HADHA: variants seen among roughly 807,000 people sequenced by gnomAD.
HADHA encodes hydroxyacyl-CoA dehydrogenase trifunctional multienzyme complex subunit alpha, also known as trifunctional enzyme subunit alpha, mitochondrial.
Under a neutral mutation model 91.3 loss-of-function variants are expected in HADHA, and 59 were observed. The observed-to-expected ratio is 0.65, with a 90% confidence interval of 0.52 to 0.80. The LOEUF (loss-of-function observed/expected upper bound fraction) is 0.80, where lower values mean the gene tolerates loss of function less well. Ranked by LOEUF, HADHA falls within the 30% of genes least tolerant of loss-of-function variation. The pLI is 0.00. For synonymous variants in HADHA, 320 were observed against 338.9 expected (o/e 0.94, Z 0.61); for missense variants, 800 against 927.6 (o/e 0.86, Z 1.79).
chr2:26,214,324 T>G lies in HADHA; in HGVS notation c.918+119A>C. On this transcript the variant is annotated intron_variant, in intron 9 of 19. Coordinates refer to ENST00000380649, the MANE Select transcript of HADHA (RefSeq NM_000182.5). This position sits in a 1 kb window ranked among gnomAD's most constrained non-coding sequence, Gnocchi z 4.1. ...CTTCCCTTATTTTTGGTAAATACTT[T>G]AATAGCAGAATTAAGAAATTTAGTA... The G allele has an allele frequency of 1.3e-6, 1 of 767,422 alleles. No homozygotes were observed. 47.5% of individuals were successfully genotyped at this position (767,422 alleles called of 1,614,324 possible).
intron 7 of HADHA, 121 bp from the exon 8 acceptor site, chr2:26,215,296 T>G: frequency 2.3e-6 from 2 of 852,974 alleles, no homozygotes; most frequent in Non-Finnish European, 4.0e-6. Context: ...GACTGGAGAC[T>G]GGTAGGTGGC....
At chr2:26,197,241 ACC>A (rs1276386055) in intron 14 of HADHA, among the ~76,000 whole-genome samples, 3 of 152,044 alleles carry the variant, frequency 2.0e-5, no homozygotes, top group African/African-American at 7.2e-5. Context: ...GTGCTTCTAT[ACC>A]CAGCCCTTTC....
chr2:26,208,824 T>C (rs1670026913), intron 11 of HADHA, among the ~76,000 whole-genome samples: 1 of 152,218 alleles, frequency 6.6e-6, no homozygotes, highest in African/African-American at 2.4e-5. Flanking sequence ...TCACTAAATG[T>C]TTGAGAGAAG....
At position 26,229,348 on chromosome 2, in the gene HADHA, G is replaced by GTGCACA. The variant is rs1670560037; in HGVS notation, c.676+843_676+844insTGTGCA. 2.7e-5 allele frequency among the ~76,000 whole-genome samples: 4 copies of GTGCACA among 147,628 alleles called. No homozygotes were observed. The highest frequency in any genetic ancestry group is 4.0e-4 in the East Asian group (2 of 4,952). On this transcript the variant is annotated intron_variant, in intron 7 of 19. Transcript: ENST00000380649. The surrounding 1 kb of genome is among the most constrained non-coding windows in gnomAD (Gnocchi z 4.3). ...GTGAGACCCCAACATGTGTGCGCGC[G>GTGCACA]CACACACACACACACACACACACAC...
rs540748659 is a variant in HADHA, at chr2:26,206,857, G to A, written c.1086-2661C>T. On this transcript the variant is annotated intron_variant, in intron 11 of 19. Transcript: ENST00000380649. The stretch of plus-strand genomic sequence containing the variant: ...CAAGTCATATCACTGAGTAAAAAGT[G>A]CAAGCTACAGGATCCATACAGAAGG... 1.3e-3 allele frequency among the ~76,000 whole-genome samples: 193 copies of A among 152,274 alleles called. 1 individual carries two copies. The highest frequency in any genetic ancestry group is 2.2e-3 in the Non-Finnish European group (153 of 68,022).
rs375322919 is a variant in HADHA, at chr2:26,191,224, C to A, written c.*26G>T. The A allele has an allele frequency of 1.7e-5, 28 of 1,610,290 alleles. No homozygotes were observed. In the African/African-American group the frequency reaches 3.3e-4, roughly 19 times the overall value. Reference sequence around the variant, plus strand: ...ACTGCCGGCAGCTGGGGTTAGTGCACTGACTGAGCGAGGCATGAGGCCTGC... The same window carrying A: ...ACTGCCGGCAGCTGGGGTTAGTGCAATGACTGAGCGAGGCATGAGGCCTGC... On this transcript the variant is annotated 3_prime_UTR_variant, in exon 20 of 20. Coordinates refer to ENST00000380649, the MANE Select transcript of HADHA (RefSeq NM_000182.5).
At chr2:26,241,667 A>C (rs567482396) in intron 1 of HADHA, among the ~76,000 whole-genome samples, 29 of 152,120 alleles carry the variant, frequency 1.9e-4, no homozygotes, top group African/African-American at 6.5e-4. Context: ...AAAAACCGAA[A>C]AAACAAACAA....
intron 1 of HADHA, among the ~76,000 whole-genome samples, chr2:26,239,383 T>C (rs1017710856): frequency 2.0e-5 from 3 of 152,058 alleles, no homozygotes; most frequent in Non-Finnish European, 2.9e-5. Context: ...CCAGAACCTG[T>C]GAATATGTTA....
intron 11 of HADHA, among the ~76,000 whole-genome samples, chr2:26,208,554 T>A (rs983616468): frequency 2.0e-5 from 3 of 152,052 alleles, no homozygotes; most frequent in African/African-American, 7.2e-5. Flanking sequence ...TGGGGAGGGG[T>A]AGAAGTTGGT....
chr2:26,238,905 AG>A, intron 3 of HADHA, 28 bp downstream of exon 3: 1 of 1,401,822 alleles, frequency 7.1e-7, no homozygotes, highest in Non-Finnish European at 1.0e-6. Flanking sequence ...TGCGGTTAGC[AG>A]AAAAAAACTG....
Position 26,229,671 on chromosome 2 carries a change from ACTC to A in HADHA, c.676+518_676+520del. The stretch of plus-strand genomic sequence containing the variant: ...AAATAATGACTTGACTGAATTCTGT[ACTC>A]CTAATGTTCTAATTATAAAGCAAAA... On this transcript the variant is annotated intron_variant, in intron 7 of 19. Coordinates refer to ENST00000380649, the MANE Select transcript of HADHA (RefSeq NM_000182.5). This position sits in a 1 kb window ranked among gnomAD's most constrained non-coding sequence, Gnocchi z 4.3. Among the ~76,000 whole-genome samples, 1 of 152,298 alleles carries A rather than the reference ACTC, an allele frequency of 6.6e-6. No homozygotes were observed. The highest frequency in any genetic ancestry group is 2.4e-5 in the African/African-American group (1 of 41,554).
chr2:26,234,682 T>C (rs1448802075), intron 4 of HADHA, among the ~76,000 whole-genome samples: 3 of 149,558 alleles, frequency 2.0e-5, no homozygotes, highest in Non-Finnish European at 4.4e-5. Context: ...AGGAGAACAG[T>C]GTGAAACCGG....
chr2:26,241,688 C>T (rs1670895950), intron 1 of HADHA, among the ~76,000 whole-genome samples: 1 of 151,798 alleles, frequency 6.6e-6, no homozygotes, highest in Non-Finnish European at 1.5e-5. Context: ...ACAAAAAAAC[C>T]ATCTATTAAG....
intron 13 of HADHA, among the ~76,000 whole-genome samples, chr2:26,198,382 T>G (rs933749387): frequency 6.7e-6 from 1 of 148,760 alleles, no homozygotes; most frequent in African/African-American, 2.5e-5. Context: ...TTTTTTTTGT[T>G]TTTTTTTTTT....
At chr2:26,199,450 T>C (rs1669773645) in intron 13 of HADHA, 1 of 152,250 alleles carries the variant, frequency 6.6e-6, no homozygotes, top group African/African-American at 2.4e-5. Context: ...GTCAGGTTAC[T>C]TTCTTAGTAA....
chr2:26,193,968 C>G (rs1160320051), intron 16 of HADHA, among the ~76,000 whole-genome samples, 196 bp from the exon 17 acceptor site: 1 of 152,248 alleles, frequency 6.6e-6, no homozygotes, highest in Non-Finnish European at 1.5e-5. Flanking sequence ...TCTGAGCCTT[C>G]TCTAATCTAC....
chr2:26,240,078 A>C (rs1339001889), intron 1 of HADHA, among the ~76,000 whole-genome samples: 2 of 152,210 alleles, frequency 1.3e-5, no homozygotes, highest in African/African-American at 4.8e-5. Flanking sequence ...ACTCTTTTCC[A>C]CAAAACCTCA....
At chr2:26,211,337 A>G in intron 10 of HADHA, among the ~76,000 whole-genome samples, 1 of 147,124 alleles carries the variant, frequency 6.8e-6, no homozygotes, top group South Asian at 2.1e-4. Flanking sequence ...AGCTCTTCAG[A>G]TTTTTTTTTT....
chr2:26,198,293 T>G (rs578229267), intron 13 of HADHA, among the ~76,000 whole-genome samples: 28 of 152,250 alleles, frequency 1.8e-4, no homozygotes, highest in African/African-American at 6.0e-4. Context: ...CTATTAACTA[T>G]TAGCTTTATC....
Sources: allele counts gnomAD v4.1 joint callset (sites outside exome capture counted in the v4.1 genomes callset), GRCh38; gene constraint gnomAD v4.1.1; non-coding constraint Gnocchi (gnomAD v3.1); transcripts MANE v1.5; gene names NCBI Gene and HGNC (gene_info 2026-07-23, HGNC 2026-07-21).